CMSS1: variants seen among roughly 807,000 people sequenced by gnomAD.
The protein encoded by CMSS1 is cms1 ribosomal small subunit homolog, also known as protein CMSS1.
Under a neutral mutation model 43.5 loss-of-function variants are expected in CMSS1, and 33 were observed. That is an observed-to-expected ratio of 0.76 (90% CI 0.57 to 1.01). The LOEUF (loss-of-function observed/expected upper bound fraction) is 1.01. Ranked by LOEUF, CMSS1 falls within the 50% of genes least tolerant of loss-of-function variation. CMSS1 has a pLI of 0.00. For synonymous variants in CMSS1, 115 were observed against 117.2 expected (o/e 0.98, Z 0.12); for missense variants, 313 against 326.4 (o/e 0.96, Z 0.32).
At chr3:100,150,107 A>T (rs2066892475) in intron 2 of CMSS1, among the ~76,000 whole-genome samples, 1 of 151,904 alleles carries the variant, frequency 6.6e-6, no homozygotes, top group African/African-American at 2.4e-5. Flanking sequence ...TCCCTCTGGA[A>T]CTCATCCCAC....
chr3:99,828,996 C>T (rs1942592755), intron 1 of CMSS1, among the ~76,000 whole-genome samples: 1 of 151,296 alleles, frequency 6.6e-6, no homozygotes, highest in African/African-American at 2.5e-5. Context: ...CCTCTAGCTC[C>T]TTCTCCTCCT....
intron 1 of CMSS1, among the ~76,000 whole-genome samples, chr3:99,895,499 T>G (rs1356537607): frequency 6.6e-6 from 1 of 152,126 alleles, no homozygotes. Context: ...CTGATCTCCT[T>G]TTGCAGAAGA....
At chr3:99,873,569 A>G (rs980000570) in intron 1 of CMSS1, among the ~76,000 whole-genome samples, 24 of 152,202 alleles carry the variant, frequency 1.6e-4, no homozygotes, top group African/African-American at 5.5e-4. Flanking sequence ...CATGGACAGA[A>G]CATGACCTAA....
intron 1 of CMSS1, among the ~76,000 whole-genome samples, chr3:99,972,539 C>T (rs1043879173): frequency 1.3e-5 from 2 of 152,176 alleles, no homozygotes; most frequent in Non-Finnish European, 2.9e-5. Context: ...GCCTCTAGTG[C>T]TGTCTGCTGC....
At chr3:99,884,690 A>C (rs1156937053) in intron 1 of CMSS1, among the ~76,000 whole-genome samples, 2 of 152,220 alleles carry the variant, frequency 1.3e-5, no homozygotes, top group Non-Finnish European at 2.9e-5. Context: ...AATTCAGCAG[A>C]AGAAAGAGAT....
At chr3:100,136,066 A>G (rs576288995) in intron 1 of CMSS1, among the ~76,000 whole-genome samples, 17 of 152,328 alleles carry the variant, frequency 1.1e-4, no homozygotes, top group Non-Finnish European at 1.6e-4. Context: ...AAGGAGAAAA[A>G]GGATCACCCA....
chr3:99,838,700 C>CA (rs1397226659), intron 1 of CMSS1, among the ~76,000 whole-genome samples: 3 of 152,170 alleles, frequency 2.0e-5, no homozygotes, highest in Non-Finnish European at 4.4e-5. Flanking sequence ...TTTCACTCCT[C>CA]AGTTTTGTGA....
intron 1 of CMSS1, among the ~76,000 whole-genome samples, chr3:100,049,917 A>G (rs2065341573): frequency 6.6e-6 from 1 of 152,196 alleles, no homozygotes; most frequent in South Asian, 2.1e-4. Context: ...GGGGGGAGTC[A>G]AAAGTTATAT....
chr3:100,038,341 CA>C (rs983788931), intron 1 of CMSS1, among the ~76,000 whole-genome samples: 1 of 151,658 alleles, frequency 6.6e-6, no homozygotes, highest in Non-Finnish European at 1.5e-5. Context: ...TGAGCCCATC[CA>C]AAAAAAATTG....
intron 1 of CMSS1, among the ~76,000 whole-genome samples, chr3:99,994,194 C>G (rs968235176): frequency 1.3e-5 from 2 of 152,134 alleles, no homozygotes; most frequent in Non-Finnish European, 2.9e-5. Context: ...CTTCCTGGCT[C>G]AGTCTCAGTA....
intron 1 of CMSS1, among the ~76,000 whole-genome samples, chr3:100,068,581 A>G (rs2065707069): frequency 2.0e-5 from 3 of 152,222 alleles, no homozygotes; most frequent in Non-Finnish European, 4.4e-5. Context: ...TAGTATATGT[A>G]TCAGTTTACT....
At position 99,845,716 on chromosome 3, in the gene CMSS1, GA is replaced by G. The variant is rs568613474; in HGVS notation, c.64+27680del. On this transcript the variant is annotated intron_variant, in intron 1 of 9. Transcript: ENST00000421999. ...GTGTCATTTTAGGTGTAATTCTATA[GA>G]AAAAAAGATGTTTTGCAGAAATTAT... Among the ~76,000 whole-genome samples, 4 of 152,048 alleles carry G rather than the reference GA, an allele frequency of 2.6e-5. No homozygotes were observed. In the East Asian group the frequency reaches 7.7e-4, roughly 29 times the overall value.
intron 1 of CMSS1, among the ~76,000 whole-genome samples, chr3:99,952,360 T>C (rs1305126996): frequency 1.3e-5 from 2 of 152,190 alleles, no homozygotes; most frequent in African/African-American, 4.8e-5. Context: ...AACATTTTCC[T>C]CAGCTGTTCT....
chr3:100,085,002 C>T (rs776300332), intron 1 of CMSS1, among the ~76,000 whole-genome samples: 1 of 152,178 alleles, frequency 6.6e-6, no homozygotes, highest in African/African-American at 2.4e-5. Flanking sequence ...ATTTTTCTGT[C>T]ATTTGTTGAA....
chr3:100,013,394 C>T (rs796554007), intron 1 of CMSS1, among the ~76,000 whole-genome samples: 69 of 152,164 alleles, frequency 4.5e-4, no homozygotes, highest in African/African-American at 1.6e-3. Flanking sequence ...CAGTCACATA[C>T]CACCATGCCC....
At chr3:100,039,943 T>C (rs149156596) in intron 1 of CMSS1, 3,211 of 152,072 alleles carry the variant, frequency 0.021, 47 homozygotes, top group Non-Finnish European at 0.035. Flanking sequence ...TTAGTAGAGA[T>C]GGGGTTTCAC....
chr3:100,101,457 A>G (rs1410288983), intron 1 of CMSS1, among the ~76,000 whole-genome samples: 1 of 152,152 alleles, frequency 6.6e-6, no homozygotes, highest in African/African-American at 2.4e-5. Flanking sequence ...GCAAAGAAAA[A>G]TGCAGAGAGG....
chr3:100,157,415 C>A (rs1170279325), intron 2 of CMSS1, among the ~76,000 whole-genome samples: 3 of 151,962 alleles, frequency 2.0e-5, no homozygotes, highest in African/African-American at 7.3e-5. Flanking sequence ...GGAGACTTTC[C>A]TTAGATGTCT....
At chr3:99,845,450 G>T (rs747279081) in intron 1 of CMSS1, among the ~76,000 whole-genome samples, 3 of 152,156 alleles carry the variant, frequency 2.0e-5, no homozygotes, top group Non-Finnish European at 4.4e-5. Flanking sequence ...TCTATCTTCT[G>T]TGAGCCCTCA....
Sources: allele counts gnomAD v4.1 joint callset (sites outside exome capture counted in the v4.1 genomes callset), GRCh38; gene constraint gnomAD v4.1.1; transcripts MANE v1.5; gene names NCBI Gene and HGNC (gene_info 2026-07-23, HGNC 2026-07-21).